Variants in IL1R1 observed in about 807,000 individuals in gnomAD.
IL1R1 encodes interleukin 1 receptor type 1, also known as interleukin-1 receptor type 1.
A neutral mutation model predicts 50.2 loss-of-function variants in IL1R1; 22 were observed. The observed-to-expected ratio is 0.44, with a 90% confidence interval of 0.31 to 0.63. The LOEUF (loss-of-function observed/expected upper bound fraction) is 0.63, where lower values mean the gene tolerates loss of function less well. IL1R1 is among the 20% of genes least tolerant of loss of function. IL1R1 has a pLI of 0.07. For synonymous variants in IL1R1, 251 were observed against 236.7 expected (o/e 1.06, Z -0.55); for missense variants, 509 against 676.2 (o/e 0.75, Z 2.74).
chr2:102,113,094 C>T (rs1185066886), intron 1 of IL1R1, among the ~76,000 whole-genome samples: 1 of 152,232 alleles, frequency 6.6e-6, no homozygotes, highest in African/African-American at 2.4e-5. Flanking sequence ...TTGTTTAAGC[C>T]ACCCAATCTA....
At chr2:102,102,779 A>G (rs1022124747), upstream of IL1R1, among the ~76,000 whole-genome samples, 2 of 152,204 alleles carry the variant, frequency 1.3e-5, no homozygotes, top group Non-Finnish European at 2.9e-5. Context: ...CTGGATAAAG[A>G]AAATGTGGTA....
At chr2:102,122,715 A>G (rs1202403842) in intron 1 of IL1R1, among the ~76,000 whole-genome samples, 1 of 152,184 alleles carries the variant, frequency 6.6e-6, no homozygotes, top group African/African-American at 2.4e-5. Flanking sequence ...TGAAGGAATC[A>G]TTCTTCATTT....
At chr2:102,119,201 T>G (rs1681267780) in intron 1 of IL1R1, among the ~76,000 whole-genome samples, 1 of 152,200 alleles carries the variant, frequency 6.6e-6, no homozygotes, top group Non-Finnish European at 1.5e-5. Context: ...AGGTGGTAAC[T>G]TCTCTTCGAT....
Position 102,175,495 on chromosome 2 carries a change from T to C in IL1R1, c.1153T>C (p.Tyr385His). Residue 385 changes from tyrosine (Y) to histidine (H), a missense_variant, in exon 11 of 12, where the codon TAT becomes CAT. Tyr to His is a moderately conservative substitution (Grantham distance 83, BLOSUM62 2). Coordinates refer to ENST00000410023, the MANE Select transcript of IL1R1 (RefSeq NM_000877.4). ...LPIKASDGKTYDAYILYPKTV... is the reference protein window; with the variant it reads ...LPIKASDGKTHDAYILYPKTV... ...TCCTTTAGCTTCAGATGGAAAGACC[T>C]ATGACGCATATATACTGTATCCAAA... is the stretch of plus-strand genomic sequence containing the variant. The C allele has an allele frequency of 6.2e-7, 1 of 1,613,458 alleles. No individual in the cohort carries two copies. The highest frequency in any genetic ancestry group is 8.5e-7 in the Non-Finnish European group (1 of 1,179,366).
At chr2:102,127,952 C>G (rs1346318349) in intron 1 of IL1R1, among the ~76,000 whole-genome samples, 1 of 152,134 alleles carries the variant, frequency 6.6e-6, no homozygotes, top group Non-Finnish European at 1.5e-5. Flanking sequence ...CTCATTCCAA[C>G]CTTTTGTTTC....
chr2:102,167,147 T>C (rs920776714), intron 6 of IL1R1, among the ~76,000 whole-genome samples: 5 of 152,150 alleles, frequency 3.3e-5, no homozygotes, highest in African/African-American at 1.2e-4. Context: ...ATTGGGACTA[T>C]CCCAAGCAAA....
chr2:102,093,737 T>A (rs891729163), intron 1 of IL1R1, among the ~76,000 whole-genome samples: 1 of 152,222 alleles, frequency 6.6e-6, no homozygotes, highest in Admixed American at 6.5e-5. Context: ...ATATTCTGGA[T>A]GCAAGTCCAG....
At chr2:102,071,456 T>C (rs1334095935) in intron 1 of IL1R1, among the ~76,000 whole-genome samples, 6 of 152,260 alleles carry the variant, frequency 3.9e-5, no homozygotes, top group Non-Finnish European at 8.8e-5. Context: ...ATCACTTGCA[T>C]GGCATTTTAT....
intron 1 of IL1R1, among the ~76,000 whole-genome samples, chr2:102,078,240 GAAAAAAATAGAGAAAAT>G (rs1304205385): frequency 2.6e-5 from 4 of 151,722 alleles, no homozygotes; most frequent in Non-Finnish European, 5.9e-5. Flanking sequence ...ATGGGGAATA[GAAAAAAATAGAGAAAAT>G]CAACAAACCA....
At chr2:102,129,374 A>G (rs975537613) in intron 1 of IL1R1, among the ~76,000 whole-genome samples, 2 of 152,232 alleles carry the variant, frequency 1.3e-5, no homozygotes, top group East Asian at 3.8e-4. Flanking sequence ...ATGTCCTATT[A>G]AAGTGTCTAA....
upstream of IL1R1, among the ~76,000 whole-genome samples, chr2:102,139,606 C>T (rs1374146445): frequency 2.6e-5 from 4 of 152,224 alleles, no homozygotes; most frequent in East Asian, 5.8e-4. Context: ...GTAGATCCCT[C>T]ATGAATGGCT....
intron 1 of IL1R1, among the ~76,000 whole-genome samples, chr2:102,147,879 T>C (rs763347976): frequency 9.2e-5 from 14 of 152,224 alleles, no homozygotes; most frequent in Non-Finnish European, 1.8e-4. Flanking sequence ...CTTCATATCC[T>C]TGTGCATCCT....
intron 1 of IL1R1, among the ~76,000 whole-genome samples, chr2:102,090,595 C>A (rs1679623344): frequency 6.6e-6 from 1 of 152,184 alleles, no homozygotes; most frequent in Non-Finnish European, 1.5e-5. Context: ...GTTAACCCAT[C>A]AGCTGAATTT....
Position 102,109,805 on chromosome 2 carries a change from A to G in IL1R1, c.-84+4933A>G, listed in dbSNP as rs937173300. Reference sequence around the variant, plus strand: ...ATATTTCCTCTCTATTGACCCCCCAAATCTGCACCAAGGAACTCCAGCGAA... The same window carrying G: ...ATATTTCCTCTCTATTGACCCCCCAGATCTGCACCAAGGAACTCCAGCGAA... On this transcript the variant is annotated intron_variant, in intron 1 of 10. Transcript: ENST00000409329. Among the ~76,000 whole-genome samples the G allele has an allele frequency of 7.9e-5, 12 of 152,072 alleles. 1 individual carries two copies. Among genetic ancestry groups the G allele is most frequent in the South Asian group, 6.2e-4 (3 of 4,814 alleles).
chr2:102,162,871 A>G (rs1684853025), intron 3 of IL1R1, among the ~76,000 whole-genome samples: 1 of 152,118 alleles, frequency 6.6e-6, no homozygotes. Flanking sequence ...TCTTTTGCGT[A>G]GATTCATTTT....
At chr2:102,093,351 G>T (rs1679762709) in intron 1 of IL1R1, among the ~76,000 whole-genome samples, 1 of 152,170 alleles carries the variant, frequency 6.6e-6, no homozygotes, top group Non-Finnish European at 1.5e-5. Flanking sequence ...CATTTCTTTG[G>T]GGTATTTTGA....
In IL1R1 at chr2:102,177,050, G is replaced by C. The variant is rs1327307508; in HGVS notation, c.*291G>C. On this transcript the variant is annotated 3_prime_UTR_variant, in exon 12 of 12. Transcript: ENST00000410023. Reference sequence around the variant, plus strand: ...GGAGGCTGAAGTGGGTGGATCACCAGAGGTCAGGAGTTCGAGACCAGCCCA... The same window carrying C: ...GGAGGCTGAAGTGGGTGGATCACCACAGGTCAGGAGTTCGAGACCAGCCCA... The C allele has an allele frequency of 1.2e-5, 4 of 323,556 alleles. No individual in the cohort carries two copies. The highest frequency in any genetic ancestry group is 2.3e-5 in the Non-Finnish European group (4 of 173,562). 20.0% of individuals were successfully genotyped at this position (323,556 alleles called of 1,614,324 possible).
intron 1 of IL1R1, among the ~76,000 whole-genome samples, chr2:102,123,135 G>A (rs1000034289): frequency 2.6e-5 from 4 of 152,154 alleles, no homozygotes; most frequent in Admixed American, 2.6e-4. Flanking sequence ...TTTCCTTAAG[G>A]TACTTCTGCA....
chr2:102,072,911 T>C (rs567631896), intron 1 of IL1R1, among the ~76,000 whole-genome samples: 2 of 152,354 alleles, frequency 1.3e-5, no homozygotes, highest in African/African-American at 4.8e-5. Context: ...GCCCACTGAC[T>C]GAAGGCCCTT....
Sources: allele counts gnomAD v4.1 joint callset (sites outside exome capture counted in the v4.1 genomes callset), GRCh38; gene constraint gnomAD v4.1.1; transcripts MANE v1.5; gene names NCBI Gene and HGNC (gene_info 2026-07-23, HGNC 2026-07-21).